Variants in GSAP observed in about 807,000 individuals in gnomAD.
GSAP encodes gamma-secretase-activating protein.
A neutral mutation model predicts 131.7 loss-of-function variants in GSAP; 118 were observed. The ratio of observed to expected loss-of-function variants is 0.90; its 90% CI spans 0.77 to 1.04. The LOEUF (loss-of-function observed/expected upper bound fraction) is 1.04. GSAP is among the 50% of genes least tolerant of loss of function. The pLI, the probability that GSAP is intolerant of heterozygous loss-of-function variation, is 0.00. For missense variants in GSAP, 1,019 were observed against 1,013.2 expected (o/e 1.01, Z -0.08); for synonymous variants, 381 against 363.4 (o/e 1.05, Z -0.55).
chr7:77,366,242 G>A (rs189354450), intron 12 of GSAP, among the ~76,000 whole-genome samples: 36 of 152,078 alleles, frequency 2.4e-4, no homozygotes, highest in African/African-American at 8.7e-4. Flanking sequence ...AGTTTAATTC[G>A]ATCCCATTTG....
chr7:77,350,947 T>C (rs76184545), intron 18 of GSAP: 11,381 of 170,714 alleles, frequency 0.067, 484 homozygotes, highest in Non-Finnish European at 0.089. Context: ...GTAATTAGCC[T>C]CTCATCTGGT....
At chr7:77,342,976 C>A (rs1791239911) in intron 19 of GSAP, among the ~76,000 whole-genome samples, 1 of 152,100 alleles carries the variant, frequency 6.6e-6, no homozygotes, top group African/African-American at 2.4e-5. Flanking sequence ...AATCCTTTCC[C>A]CACTCTCCTT....
intron 19 of GSAP, among the ~76,000 whole-genome samples, chr7:77,348,571 T>C (rs1464112766): frequency 2.0e-5 from 3 of 152,218 alleles, no homozygotes; most frequent in African/African-American, 7.2e-5. Flanking sequence ...CTGAGCTCCC[T>C]GCTGCCAGAA....
In GSAP at chr7:77,416,222, C is replaced by T. The variant is rs1190590364; in HGVS notation, c.100G>A (p.Gly34Ser). 21 of 1,464,506 alleles carry T rather than the reference C, an allele frequency of 1.4e-5. No individual in the cohort carries two copies. The highest frequency in any genetic ancestry group is 1.9e-5 in the Non-Finnish European group (21 of 1,109,170). 90.7% of individuals were successfully genotyped at this position (1,464,506 alleles called of 1,614,324 possible). The change falls in exon 1 of 31, where the codon GGC becomes AGC. Residue 34 changes from glycine to serine, a missense_variant. By Grantham distance (56) the Gly-to-Ser change is moderately conservative (BLOSUM62 0). Transcript: ENST00000257626. The part of the protein sequence containing the change: ...AVSEASGAGS[G>S]GADVLENDYE... The stretch of plus-strand genomic sequence containing the variant: ...AGCGCGCCTCCCGCACCTGCGCCGC[C>T]GCTTCCGGCCCCGCTGGCCTCCGAC...
intron 18 of GSAP, among the ~76,000 whole-genome samples, chr7:77,350,233 C>T (rs1231376559): frequency 2.4e-5 from 3 of 122,894 alleles, no homozygotes; most frequent in Middle Eastern, 5.4e-3. Flanking sequence ...TGAGAACACA[C>T]GGACACAGGA....
At chr7:77,396,614 T>C (rs774501373) in intron 5 of GSAP, among the ~76,000 whole-genome samples, 5 of 152,168 alleles carry the variant, frequency 3.3e-5, no homozygotes, top group Non-Finnish European at 7.3e-5. Flanking sequence ...GTGTAGTACT[T>C]ACAATGTGTT....
At chr7:77,414,522 A>G (rs1278642843) in intron 1 of GSAP, among the ~76,000 whole-genome samples, 1 of 152,254 alleles carries the variant, frequency 6.6e-6, no homozygotes, top group Non-Finnish European at 1.5e-5. Flanking sequence ...TAGTATTTCC[A>G]GAAAGTACCT....
Position 77,377,223 on chromosome 7 carries a change from AAT to A in GSAP, c.681+61_681+62del, listed in dbSNP as rs1226624438. The A allele has an allele frequency of 3.8e-6, 5 of 1,298,714 alleles. No individual in the cohort carries two copies. In the African/African-American group the frequency reaches 8.4e-5, roughly 22 times the overall value. The allele number at this position is 1,298,714 out of a possible 1,614,324, so 80.4% of individuals were successfully genotyped here. A position where few individuals can be genotyped will look rare whatever the true frequency, so the allele number is the denominator to read the frequency against. On this transcript the variant is annotated intron_variant, in intron 9 of 30. Transcript: ENST00000257626. ...GAGAGCAAGACCCTGTCTCTAAAAA[AAT>A]TAATATTTTTGTAAAAAAAAAAAAA...
chr7:77,411,542 A>C (rs138157989), intron 1 of GSAP, among the ~76,000 whole-genome samples: 5 of 152,358 alleles, frequency 3.3e-5, no homozygotes, highest in Non-Finnish European at 7.4e-5. Context: ...AAAATAACCT[A>C]GGATGAAATC....
chr7:77,345,080 A>AC (rs200685400), intron 19 of GSAP, among the ~76,000 whole-genome samples: 1,578 of 152,262 alleles, frequency 0.01, 10 homozygotes, highest in Non-Finnish European at 0.015. Flanking sequence ...ATTATGCTGA[A>AC]CCCCCTTGGG....
chr7:77,343,875 C>T (rs549801380), intron 19 of GSAP, among the ~76,000 whole-genome samples: 51 of 152,272 alleles, frequency 3.3e-4, no homozygotes, highest in African/African-American at 1.2e-3. Context: ...TCCTTTCCAC[C>T]GTGGAAATCT....
intron 30 of GSAP, 59 bp from the exon 31 acceptor site, chr7:77,311,508 T>C: frequency 2.4e-6 from 2 of 834,766 alleles, no homozygotes; most frequent in Non-Finnish European, 4.1e-6. Context: ...GTGAAACATT[T>C]ATAACTTTGT....
chr7:77,314,264 G>A, intron 27 of GSAP, 106 bp downstream of exon 27: 1 of 1,165,050 alleles, frequency 8.6e-7, no homozygotes, highest in Non-Finnish European at 1.3e-6. Context: ...GCACTCTTCT[G>A]AGTGCAGCCA....
intron 19 of GSAP, among the ~76,000 whole-genome samples, chr7:77,340,289 C>T (rs567058605): frequency 3.9e-5 from 6 of 152,180 alleles, no homozygotes; most frequent in Non-Finnish European, 8.8e-5. Context: ...GGACTCAGCC[C>T]ACCTGCACCC....
chr7:77,416,127 G>C (rs1437740043), intron 1 of GSAP, 86 bp downstream of exon 1: 16 of 738,808 alleles, frequency 2.2e-5, no homozygotes, highest in Non-Finnish European at 3.2e-5. Context: ...GACGCCCCGG[G>C]TTGCTCCCCA....
intron 28 of GSAP, among the ~76,000 whole-genome samples, chr7:77,312,542 A>C (rs1794510969): frequency 6.6e-6 from 1 of 152,246 alleles, no homozygotes; most frequent in African/African-American, 2.4e-5. Flanking sequence ...GCATGTTTAT[A>C]TCAACTTCTC....
At chr7:77,415,074 T>TAA (rs1377585756) in intron 1 of GSAP, among the ~76,000 whole-genome samples, 1 of 152,060 alleles carries the variant, frequency 6.6e-6, no homozygotes, top group East Asian at 1.9e-4. Context: ...CGAAAAAAAG[T>TAA]AAAGCCTTAC....
At chr7:77,392,882 C>T (rs1250217487) in intron 5 of GSAP, among the ~76,000 whole-genome samples, 2 of 152,042 alleles carry the variant, frequency 1.3e-5, no homozygotes, top group East Asian at 3.9e-4. Flanking sequence ...GGCAATGGGG[C>T]CCCTGACCCA....
chr7:77,322,030 C>T (rs563402130), intron 24 of GSAP, among the ~76,000 whole-genome samples: 7 of 152,318 alleles, frequency 4.6e-5, no homozygotes, highest in South Asian at 2.1e-4. Context: ...CCCATTCTAA[C>T]GCTGCAACGA....
Sources: allele counts gnomAD v4.1 joint callset (sites outside exome capture counted in the v4.1 genomes callset), GRCh38; gene constraint gnomAD v4.1.1; transcripts MANE v1.5; gene names NCBI Gene and HGNC (gene_info 2026-07-23, HGNC 2026-07-21).